The following SLX4IP variants were observed in gnomAD, a reference collection of about 807,000 sequenced individuals.
SLX4IP encodes the protein SLX4 interacting protein.
Under a neutral mutation model 32.9 loss-of-function variants are expected in SLX4IP, and 34 were observed. The ratio of observed to expected loss-of-function variants is 1.03; its 90% CI spans 0.79 to 1.38. The LOEUF (loss-of-function observed/expected upper bound fraction) is 1.38. Ranked by LOEUF, SLX4IP falls within the 40% of genes most tolerant of loss-of-function variation. The probability of loss-of-function intolerance (pLI) is 0.00; values close to 1 mark genes in which losing one functional copy is unlikely to be tolerated. For synonymous variants in SLX4IP, 172 were observed against 171.7 expected (o/e 1.00, Z -0.01); for missense variants, 444 against 479.0 (o/e 0.93, Z 0.68).
At chr20:10,514,804 A>T (rs1451512787) in intron 2 of SLX4IP, among the ~76,000 whole-genome samples, 1 of 152,186 alleles carries the variant, frequency 6.6e-6, no homozygotes, top group Non-Finnish European at 1.5e-5. Context: ...AGTGCTTTGT[A>T]CATTTCCTTT....
intron 4 of SLX4IP, among the ~76,000 whole-genome samples, chr20:10,579,261 C>G (rs1422449027): frequency 2.6e-5 from 4 of 152,082 alleles, no homozygotes; most frequent in African/African-American, 9.7e-5. Context: ...AGGGGTCCAA[C>G]TTTATTCTTT....
At chr20:10,471,024 C>G (rs558149973) in intron 2 of SLX4IP, among the ~76,000 whole-genome samples, 1 of 152,300 alleles carries the variant, frequency 6.6e-6, no homozygotes, top group Non-Finnish European at 1.5e-5. Context: ...GGATTAACAG[C>G]AGTGTCTGTT....
At chr20:10,471,243 A>G (rs225143) in intron 2 of SLX4IP, among the ~76,000 whole-genome samples, 77,001 of 151,940 alleles carry the variant, frequency 0.51, 20,960 homozygotes, top group East Asian at 0.83. Flanking sequence ...AATTCTTTTC[A>G]TATGTGAGGG....
chr20:10,566,283 A>ATTT (rs59907123), intron 4 of SLX4IP, among the ~76,000 whole-genome samples: 6 of 97,880 alleles, frequency 6.1e-5, no homozygotes, highest in African/African-American at 1.3e-4. Flanking sequence ...AACTGATTAC[A>ATTT]TTTTTTTTTT....
chr20:10,592,034 T>A lies in SLX4IP; in HGVS notation c.239-6641T>A, dbSNP rs531016504. Among the ~76,000 whole-genome samples, 139 of 152,336 alleles carry A rather than the reference T, an allele frequency of 9.1e-4. No individual in the cohort carries two copies. In the Middle Eastern group the frequency reaches 0.01, roughly 11 times the overall value. On this transcript the variant is annotated intron_variant, in intron 4 of 7. Coordinates refer to ENST00000334534, the MANE Select transcript of SLX4IP (RefSeq NM_001009608.3). ...AATTTGGCTCCGAAGAATTATTTTA[T>A]AAATAATGATTTTATTCATGAAACA...
intron 6 of SLX4IP, among the ~76,000 whole-genome samples, chr20:10,611,684 G>A (rs1422089758): frequency 6.6e-6 from 1 of 152,208 alleles, no homozygotes; most frequent in Non-Finnish European, 1.5e-5. Context: ...GACATGGATG[G>A]GGGTTGAAGA....
In SLX4IP at chr20:10,473,524, T is replaced by C. The variant is rs1376361812; in HGVS notation, c.27+15293T>C. Reference sequence around the variant, plus strand: ...TCATTGTCATAAATATTGATAATCATTGTGGTTAATATTTTTCTGCCAGAG... The same window carrying C: ...TCATTGTCATAAATATTGATAATCACTGTGGTTAATATTTTTCTGCCAGAG... On this transcript the variant is annotated intron_variant, in intron 2 of 7. Coordinates refer to ENST00000334534, the MANE Select transcript of SLX4IP (RefSeq NM_001009608.3). Among the ~76,000 whole-genome samples, 4 of 152,314 alleles carry C rather than the reference T, an allele frequency of 2.6e-5. No homozygotes were observed. In the East Asian group the frequency reaches 7.7e-4, roughly 29 times the overall value.
intron 2 of SLX4IP, among the ~76,000 whole-genome samples, chr20:10,515,037 G>A (rs972126723): frequency 1.0e-4 from 15 of 148,978 alleles, no homozygotes; most frequent in Admixed American, 3.3e-4. Flanking sequence ...ATTGAAGGTC[G>A]ATGCGTCTTT....
At chr20:10,529,387 G>A (rs1305344791) in intron 2 of SLX4IP, among the ~76,000 whole-genome samples, 2 of 151,832 alleles carry the variant, frequency 1.3e-5, no homozygotes, top group South Asian at 2.1e-4. Context: ...TCAGGAGTCT[G>A]AAATTAGCCT....
chr20:10,460,537 G>A (rs895439122), intron 2 of SLX4IP, among the ~76,000 whole-genome samples: 3 of 152,282 alleles, frequency 2.0e-5, no homozygotes, highest in Middle Eastern at 6.8e-3. Context: ...TCTCATCCAC[G>A]TGCCTGTTCT....
chr20:10,573,067 CA>C (rs1383359497), intron 4 of SLX4IP, among the ~76,000 whole-genome samples: 3 of 152,072 alleles, frequency 2.0e-5, no homozygotes, highest in Non-Finnish European at 4.4e-5. Flanking sequence ...TGATACCTGC[CA>C]AAAAAAGCTT....
chr20:10,446,411 CAAAAAAAAA>C (rs36181096), intron 1 of SLX4IP, among the ~76,000 whole-genome samples: 2 of 112,414 alleles, frequency 1.8e-5, no homozygotes, highest in Admixed American at 8.8e-5. Flanking sequence ...GACTCTGTCT[CAAAAAAAAA>C]AAAAAAAAAA....
intron 2 of SLX4IP, among the ~76,000 whole-genome samples, chr20:10,483,027 G>A (rs1287792339): frequency 6.6e-6 from 1 of 152,076 alleles, no homozygotes; most frequent in Non-Finnish European, 1.5e-5. Flanking sequence ...CACTGTTCAT[G>A]TTTATTCATT....
intron 2 of SLX4IP, among the ~76,000 whole-genome samples, chr20:10,470,354 C>T (rs2065414498): frequency 1.3e-5 from 2 of 152,168 alleles, no homozygotes; most frequent in South Asian, 2.1e-4. Context: ...ATGGCAAAAA[C>T]GTACAGCAGC....
chr20:10,455,149 A>C (rs1162493982), intron 1 of SLX4IP, among the ~76,000 whole-genome samples: 1 of 152,132 alleles, frequency 6.6e-6, no homozygotes, highest in Admixed American at 6.5e-5. Context: ...CATCAGATGT[A>C]TGATTTGCAG....
chr20:10,593,663 G>A (rs985056478), intron 4 of SLX4IP, among the ~76,000 whole-genome samples: 2 of 152,138 alleles, frequency 1.3e-5, no homozygotes, highest in Non-Finnish European at 2.9e-5. Context: ...CTGAGCCCAG[G>A]AGGTTGAGGC....
chr20:10,436,306 A>C (rs950350042), intron 1 of SLX4IP, among the ~76,000 whole-genome samples: 1 of 152,134 alleles, frequency 6.6e-6, no homozygotes, highest in Non-Finnish European at 1.5e-5. Context: ...AGTGTACCTT[A>C]AAGTTCAAGG....
At chr20:10,593,013 C>T (rs1254610621) in intron 4 of SLX4IP, among the ~76,000 whole-genome samples, 1 of 152,216 alleles carries the variant, frequency 6.6e-6, no homozygotes, top group African/African-American at 2.4e-5. Flanking sequence ...GTATCAGCCT[C>T]TTTCTTCCTG....
intron 4 of SLX4IP, among the ~76,000 whole-genome samples, chr20:10,597,551 A>C (rs1189800788): frequency 6.6e-6 from 1 of 152,208 alleles, no homozygotes; most frequent in African/African-American, 2.4e-5. Context: ...GGCTTCTTTC[A>C]TGTAACATTA....
Sources: allele counts gnomAD v4.1 joint callset (sites outside exome capture counted in the v4.1 genomes callset), GRCh38; gene constraint gnomAD v4.1.1; transcripts MANE v1.5; gene names NCBI Gene and HGNC (gene_info 2026-07-23, HGNC 2026-07-21).